PRKCB: variants seen among roughly 807,000 people sequenced by gnomAD.
PRKCB encodes the protein protein kinase C beta type.
Under a neutral mutation model 81.5 loss-of-function variants are expected in PRKCB, and 13 were observed. The observed-to-expected ratio is 0.16, with a 90% CI of 0.10 to 0.25. PRKCB has a LOEUF of 0.25. Among genes scored for constraint, PRKCB ranks in the 10% least tolerant of loss-of-function variants. The pLI, the probability that PRKCB is intolerant of heterozygous loss-of-function variation, is 1.00. For synonymous variants in PRKCB, 335 were observed against 321.4 expected (o/e 1.04, Z -0.45); for missense variants, 509 against 875.7 (o/e 0.58, Z 5.29).
chr16:24,146,857 C>T (rs979787167), intron 9 of PRKCB, among the ~76,000 whole-genome samples: 3 of 152,146 alleles, frequency 2.0e-5, no homozygotes, highest in East Asian at 1.9e-4. Context: ...AAACAGCCCA[C>T]GCCCTCTATG....
chr16:24,071,050 A>G (rs940630252), intron 5 of PRKCB, among the ~76,000 whole-genome samples: 1 of 152,136 alleles, frequency 6.6e-6, no homozygotes, highest in Admixed American at 6.6e-5. Context: ...GGTAGTTAGT[A>G]CACACTGTGA....
intron 5 of PRKCB, among the ~76,000 whole-genome samples, chr16:24,079,249 C>G (rs1966219511): frequency 6.6e-6 from 1 of 152,190 alleles, no homozygotes; most frequent in Non-Finnish European, 1.5e-5. Flanking sequence ...TGCCTGCACC[C>G]AGGTGAAATA....
rs374179949 is a variant in PRKCB, at chr16:24,144,302, T to C, written c.1066-10382T>C. 2.2e-4 allele frequency among the ~76,000 whole-genome samples: 33 copies of C among 152,268 alleles called. No individual in the cohort carries two copies. In the South Asian group the frequency reaches 3.9e-3, roughly 18 times the overall value. ...TACACGTGTATTTACTATATTCTTTTTTTCTTTTTGAGACCGAGTCTCACT... is the reference window on the plus strand; with the variant it reads ...TACACGTGTATTTACTATATTCTTTCTTTCTTTTTGAGACCGAGTCTCACT... On this transcript the variant is annotated intron_variant, in intron 9 of 16. Coordinates refer to ENST00000643927, the MANE Select transcript of PRKCB (RefSeq NM_002738.7).
Position 24,219,653 on chromosome 16 carries a change from G to GC in PRKCB, c.*4838dup, listed in dbSNP as rs1968289017. ...TCATCCTAAAGCCAAAGAAAATACAGCAACACACACACACACACACACACA... is the reference window on the plus strand; with the variant it reads ...TCATCCTAAAGCCAAAGAAAATACAGCCAACACACACACACACACACACACA... On this transcript the variant is annotated 3_prime_UTR_variant, in exon 17 of 17. Coordinates refer to ENST00000643927, the MANE Select transcript of PRKCB (RefSeq NM_002738.7). The GC allele has an allele frequency of 1.1e-6, 1 of 904,494 alleles. No individual in the cohort carries two copies. The highest frequency in any genetic ancestry group is 1.3e-6 in the Non-Finnish European group (1 of 764,692). The allele number at this position is 904,494 out of a possible 1,614,324, so 56.0% of individuals were successfully genotyped here.
intron 9 of PRKCB, among the ~76,000 whole-genome samples, chr16:24,133,633 G>A (rs57380814): frequency 0.038 from 5,737 of 152,104 alleles, 364 homozygotes; most frequent in African/African-American, 0.13. Flanking sequence ...GCCCATTATC[G>A]CCAACGTTTC....
intron 16 of PRKCB, among the ~76,000 whole-genome samples, chr16:24,200,731 C>T (rs773697949): frequency 1.3e-5 from 2 of 152,034 alleles, no homozygotes; most frequent in Non-Finnish European, 2.9e-5. Context: ...GGGAAAGATA[C>T]GGAGCCAAAC....
intron 7 of PRKCB, among the ~76,000 whole-genome samples, chr16:24,108,259 T>A (rs568500068): frequency 6.9e-6 from 1 of 144,998 alleles, no homozygotes; most frequent in East Asian, 2.0e-4. Flanking sequence ...CAGTGTTTAT[T>A]TGTCCCCAAT....
chr16:23,924,639 A>G (rs1180831284), intron 2 of PRKCB, among the ~76,000 whole-genome samples: 2 of 152,202 alleles, frequency 1.3e-5, no homozygotes, highest in Non-Finnish European at 2.9e-5. Context: ...ATAAACTAAG[A>G]TATCTCTACA....
chr16:24,165,320 G>A (rs1284271397), intron 10 of PRKCB, among the ~76,000 whole-genome samples: 2 of 152,230 alleles, frequency 1.3e-5, no homozygotes, highest in African/African-American at 4.8e-5. Context: ...TGGGATTGCA[G>A]GCATGAGCCC....
At chr16:24,131,427 A>G (rs547391235) in intron 9 of PRKCB, among the ~76,000 whole-genome samples, 2 of 152,380 alleles carry the variant, frequency 1.3e-5, no homozygotes, top group South Asian at 2.1e-4. Flanking sequence ...GGGTACCCCT[A>G]GAAACTTGGC....
At chr16:23,958,572 G>A (rs948817687) in intron 2 of PRKCB, among the ~76,000 whole-genome samples, 9 of 151,992 alleles carry the variant, frequency 5.9e-5, no homozygotes, top group Admixed American at 6.6e-5. Context: ...CAATGTGCTG[G>A]GATTACAGGT....
chr16:23,891,117 G>A (rs1963288041), intron 2 of PRKCB, among the ~76,000 whole-genome samples: 1 of 151,568 alleles, frequency 6.6e-6, no homozygotes, highest in African/African-American at 2.4e-5. Context: ...GCTCACTGCA[G>A]CCTCGACCTC....
At chr16:23,847,325 T>C (rs1489389287) in intron 2 of PRKCB, among the ~76,000 whole-genome samples, 1 of 22,822 alleles carries the variant, frequency 4.4e-5, no homozygotes, top group Non-Finnish European at 7.9e-5. Context: ...TGCCTCTATC[T>C]ATCTATCTAT....
intron 16 of PRKCB, among the ~76,000 whole-genome samples, chr16:24,198,504 C>A (rs1477006292): frequency 6.6e-6 from 1 of 152,076 alleles, no homozygotes; most frequent in Non-Finnish European, 1.5e-5. Context: ...GTCTTTTCTG[C>A]TTTTTATTTA....
At chr16:24,114,833 C>A (rs1276937760) in intron 8 of PRKCB, among the ~76,000 whole-genome samples, 2 of 151,364 alleles carry the variant, frequency 1.3e-5, no homozygotes, top group African/African-American at 4.9e-5. Context: ...TATTGTTATT[C>A]ATCAAATAAT....
chr16:23,878,531 A>G (rs1421027457), intron 2 of PRKCB, among the ~76,000 whole-genome samples: 1 of 152,212 alleles, frequency 6.6e-6, no homozygotes, highest in African/African-American at 2.4e-5. Flanking sequence ...CATGCTGCTA[A>G]TATACCACAG....
At position 24,094,295 on chromosome 16, in the gene PRKCB, C is replaced by A. The variant is rs781448514; in HGVS notation, c.819C>A (p.Gly273=). The change falls in exon 7 of 17, where the codon GGC becomes GGA. Residue 273 remains glycine (G), a splice_region_variant and synonymous_variant. Coordinates refer to ENST00000643927, the MANE Select transcript of PRKCB (RefSeq NM_002738.7). ...AACTTCAGAAAGCCAGTGTTGATGG[C>A]TGGTAAGTAAGATTTTGCCTTGAAA... ...ISELQKASVD[G]WFKLLSQEEG... 3 of 1,613,758 alleles carry A rather than the reference C, an allele frequency of 1.9e-6. No individual in the cohort carries two copies. The African/African-American group carries it at 4.0e-5, about 22-fold the overall frequency.
At chr16:24,017,059 C>G (rs1462637712) in intron 3 of PRKCB, among the ~76,000 whole-genome samples, 2 of 151,994 alleles carry the variant, frequency 1.3e-5, no homozygotes, top group Non-Finnish European at 2.9e-5. Context: ...TAAGAATAAC[C>G]AAGAAAAATT....
chr16:24,166,852 T>A (rs1437577713), intron 10 of PRKCB, among the ~76,000 whole-genome samples: 1 of 152,188 alleles, frequency 6.6e-6, no homozygotes, highest in Admixed American at 6.5e-5. Context: ...AGTTCAAAGA[T>A]GATAGATCTT....
Sources: allele counts gnomAD v4.1 joint callset (sites outside exome capture counted in the v4.1 genomes callset), GRCh38; gene constraint gnomAD v4.1.1; transcripts MANE v1.5; gene names NCBI Gene and HGNC (gene_info 2026-07-23, HGNC 2026-07-21).